ARL6IP4: variants seen among roughly 807,000 people sequenced by gnomAD.
The protein encoded by ARL6IP4 is ARF like GTPase 6 interacting protein 4, also known as ADP-ribosylation factor-like protein 6-interacting protein 4.
Under a neutral mutation model 28.1 loss-of-function variants are expected in ARL6IP4, and 24 were observed. The observed-to-expected ratio is 0.86, with a 90% CI of 0.62 to 1.20. The LOEUF (loss-of-function observed/expected upper bound fraction) is 1.20. Among genes scored for constraint, ARL6IP4 ranks in the 50% most tolerant of loss-of-function variants. The pLI, the probability that ARL6IP4 is intolerant of heterozygous loss-of-function variation, is 0.00. For synonymous variants in ARL6IP4, 162 were observed against 122.3 expected, an observed-to-expected ratio of 1.32 and a Z score of -2.14; for missense variants, 343 against 302.4, an observed-to-expected ratio of 1.13 and a Z score of -1.00.
intron 1 of ARL6IP4, 88 bp from the exon 2 acceptor site, chr12:122,981,041 A>C (rs1020253773): frequency 3.1e-5 from 44 of 1,436,554 alleles, no homozygotes; most frequent in Non-Finnish European, 3.9e-5. Flanking sequence ...GGGCGTCGCC[A>C]GGCCCCGGCC....
intron 4 of ARL6IP4, 37 bp from the exon 5 acceptor site, chr12:122,982,432 C>A (rs749864885): frequency 6.4e-7 from 1 of 1,571,596 alleles, no homozygotes; most frequent in Non-Finnish European, 8.7e-7. Context: ...AGGGGACCTG[C>A]CTATTCCTTG....
In ARL6IP4 at chr12:122,980,693, G is replaced by A. The variant is rs1474665703; in HGVS notation, c.-64G>A. Reference sequence around the variant, plus strand: ...CCCGGCCGGAAGCCTCCTCGCCGCCGCTTCCTCTCGAGAAGGCGCGGGGCG... The same window carrying A: ...CCCGGCCGGAAGCCTCCTCGCCGCCACTTCCTCTCGAGAAGGCGCGGGGCG... On this transcript the variant is annotated 5_prime_UTR_variant, in exon 1 of 6. Transcript: ENST00000315580. 22 of 1,337,964 alleles carry A rather than the reference G, an allele frequency of 1.6e-5. No individual in the cohort carries two copies. Among genetic ancestry groups the A allele is most frequent in the Non-Finnish European group, 2.1e-5 (22 of 1,049,622 alleles). 82.9% of individuals were successfully genotyped at this position (1,337,964 alleles called of 1,614,324 possible). A position where few individuals can be genotyped will look rare whatever the true frequency, so the allele number is the denominator to read the frequency against.
chr12:122,980,624 C>T, upstream of ARL6IP4: 2 of 1,410,280 alleles, frequency 1.4e-6, no homozygotes, highest in Non-Finnish European at 9.2e-7. Context: ...GAACGAAAGG[C>T]AGCGGCGCCG....
At position 122,982,629 on chromosome 12, in the gene ARL6IP4, C is replaced by T. The variant is rs368158124; in HGVS notation, c.667C>T (p.Arg223Ter). 14 of 1,614,092 alleles carry T rather than the reference C, an allele frequency of 8.7e-6. No homozygotes were observed. Among genetic ancestry groups the T allele is most frequent in the South Asian group, 3.3e-5 (3 of 91,084 alleles). ...GTGCTTTCTTCCCCAGCAAGCCACC[C>T]GAGGGGACTGCCTGGCCTTCCAGAT... Reference protein sequence around the residue: ...RHREINKQATRGDCLAFQMRA... With the variant: ...RHREINKQAT Residue 223 changes from arginine to a stop codon, truncating the protein, a stop_gained, in exon 6 of 6, where the codon CGA (arginine) becomes TGA (stop). Transcript: ENST00000315580. LOFTEE classifies it high-confidence loss of function.
At position 122,981,144 on chromosome 12, in the gene ARL6IP4, C is replaced by T; in HGVS notation, c.5C>T (p.Ala2Val). The change falls in exon 2 of 6, where the codon GCT (alanine) becomes GTT (valine). Residue 2 changes from alanine to valine, a missense_variant. Physicochemically the swap from Ala to Val is moderately conservative, Grantham distance 64. Coordinates refer to ENST00000315580, the MANE Select transcript of ARL6IP4 (RefSeq NM_018694.4). M[A>V]HVGSRKRSRS... ...TCGTCGCCAGCCCGCGGCGCCATGG[C>T]TCACGTCGGCTCCCGCAAGCGCTCG... is the stretch of plus-strand genomic sequence containing the variant. 6.5e-7 allele frequency: 1 copy of T among 1,548,920 alleles called. No individual in the cohort carries two copies. Among genetic ancestry groups the T allele is most frequent in the East Asian group, 2.5e-5 (1 of 40,772 alleles).
rs781046086 is a variant in ARL6IP4 at position 122,982,639 on chromosome 12, G to A, written c.677G>A (p.Cys226Tyr). The A allele has an allele frequency of 6.2e-7, 1 of 1,614,080 alleles. No individual in the cohort carries two copies. Among genetic ancestry groups the A allele is most frequent in the Non-Finnish European group, 8.5e-7 (1 of 1,180,028 alleles). ...CCCCAGCAAGCCACCCGAGGGGACT[G>A]CCTGGCCTTCCAGATGCGAGCTGGG... Reference protein sequence around the residue: ...EINKQATRGDCLAFQMRAGLL... With the variant: ...EINKQATRGDYLAFQMRAGLL... The change falls in exon 6 of 6, where the codon TGC (cysteine) becomes TAC (tyrosine). Residue 226 changes from cysteine to tyrosine, a missense_variant. Cys to Tyr is a radical substitution (Grantham distance 194). Coordinates refer to ENST00000315580, the MANE Select transcript of ARL6IP4 (RefSeq NM_018694.4).
intron 2 of ARL6IP4, 61 bp downstream of exon 2, chr12:122,981,360 C>T (rs972310197): frequency 4.2e-5 from 63 of 1,501,922 alleles, no homozygotes; most frequent in Non-Finnish European, 5.4e-5. Flanking sequence ...GTCGGGCGAG[C>T]AGTGGTCGGG....
In ARL6IP4 at chr12:122,982,715, G is replaced by T. The variant is rs747504563; in HGVS notation, c.*39G>T. The T allele has an allele frequency of 5.0e-6, 8 of 1,598,584 alleles. No individual in the cohort carries two copies. In the South Asian group the frequency reaches 5.5e-5, roughly 11 times the overall value. On this transcript the variant is annotated 3_prime_UTR_variant, in exon 6 of 6. Coordinates refer to ENST00000315580, the MANE Select transcript of ARL6IP4 (RefSeq NM_018694.4). ...CCAAGGCCTGTGGACGACGCTGGCG[G>T]CCCAGCCTGGGCAGGTTTCAGGGTG...
chr12:122,980,950 G>A, intron 1 of ARL6IP4, 179 bp from the exon 2 acceptor site: 1 of 1,387,584 alleles, frequency 7.2e-7, no homozygotes, highest in Non-Finnish European at 9.3e-7. Flanking sequence ...TGCGGGGACT[G>A]GAGTCGGCGG....
chr12:122,982,156 GGGCGGGGTTCCT>G, intron 4 of ARL6IP4, 82 bp downstream of exon 4: 1 of 1,509,996 alleles, frequency 6.6e-7, no homozygotes, highest in Admixed American at 1.7e-5. Context: ...GAGTGGGGCC[GGGCGGGGTTCCT>G]GGTGCCTGAA....
At chr12:122,982,285 C>T (rs2037716628) in intron 4 of ARL6IP4, 184 bp from the exon 5 acceptor site, 4 of 812,350 alleles carry the variant, frequency 4.9e-6, no homozygotes, top group Non-Finnish European at 7.9e-6. Flanking sequence ...CGGGCTGAGG[C>T]TGGCAAGGCA....
Position 122,981,622 on chromosome 12 carries a change from G to A in ARL6IP4, c.212G>A (p.Arg71Lys). 1 of 1,562,620 alleles carries A rather than the reference G, an allele frequency of 6.4e-7. No homozygotes were observed. ...TERSKQKARR[R>K]TRSSSSSSSS... is the part of the protein sequence containing the mutation. Reference sequence around the variant, plus strand: ...AGAAGCAAGCAGAAGGCCCGGAGGAGAACAAGATCCAGCTCCTCCTCCTCT... The same window carrying A: ...AGAAGCAAGCAGAAGGCCCGGAGGAAAACAAGATCCAGCTCCTCCTCCTCT... The change falls in exon 3 of 6, where the codon AGA becomes AAA. Residue 71 changes from arginine to lysine, a missense_variant. Coordinates refer to ENST00000315580, the MANE Select transcript of ARL6IP4 (RefSeq NM_018694.4).
In ARL6IP4 at chr12:122,981,456, C is replaced by T; in HGVS notation, c.161-115C>T. On this transcript the variant is annotated intron_variant, in intron 2 of 5. Coordinates refer to ENST00000315580, the MANE Select transcript of ARL6IP4 (RefSeq NM_018694.4). ...GCCAGGAAGGGGCTCCTCTGGGAAG[C>T]TCCATCTCTGTTCTGGAAAGCCCCT... 2.9e-6 allele frequency: 4 copies of T among 1,386,740 alleles called. No homozygotes were observed. In the South Asian group the frequency reaches 6.0e-5, roughly 21 times the overall value. 85.9% of individuals were successfully genotyped at this position (1,386,740 alleles called of 1,614,324 possible).
intron 4 of ARL6IP4, 72 bp from the exon 5 acceptor site, chr12:122,982,397 C>T (rs1169241099): frequency 3.5e-6 from 5 of 1,441,846 alleles, no homozygotes; most frequent in Non-Finnish European, 4.8e-6. Context: ...CTGCCGGCTG[C>T]TTGTGGTTCT....
chr12:122,980,420 C>T (rs571246576), upstream of ARL6IP4: 5 of 1,364,530 alleles, frequency 3.7e-6, no homozygotes, highest in South Asian at 6.0e-5. Flanking sequence ...GGGAGGAGGG[C>T]GGCGCGCGCG....
chr12:122,981,830 C>A lies in ARL6IP4; in HGVS notation c.420C>A (p.Pro140=). The change falls in exon 3 of 6, where the codon CCC becomes CCA. Residue 140 remains proline (P), a synonymous_variant. Transcript: ENST00000315580. ...EAQQVEALPG[P]SLDQWHRSAG... ...AGCAGGTGGAGGCTCTGCCGGGCCC[C>A]TCGCTGGACCAGTGGCACCGATCAG... The A allele has an allele frequency of 6.2e-7, 1 of 1,609,466 alleles. No homozygotes were observed. Among genetic ancestry groups the A allele is most frequent in the Non-Finnish European group, 8.5e-7 (1 of 1,177,852 alleles).
chr12:122,981,028 A>G, intron 1 of ARL6IP4, 101 bp from the exon 2 acceptor site: 1 of 1,426,872 alleles, frequency 7.0e-7, no homozygotes. Flanking sequence ...GGTGACGGGT[A>G]CTGGGCGTCG....
rs186833977 is a variant in ARL6IP4 at position 122,981,758 on chromosome 12, G to C, written c.348G>C (p.Lys116Asn). 3.2e-6 allele frequency: 5 copies of C among 1,561,390 alleles called. No homozygotes were observed. In the African/African-American group the frequency reaches 4.1e-5, roughly 13 times the overall value. Residue 116 changes from lysine to asparagine, a missense_variant, in exon 3 of 6, where the codon AAG (lysine) becomes AAC (asparagine). By Grantham distance (94) the Lys-to-Asn change is moderately conservative. Coordinates refer to ENST00000315580, the MANE Select transcript of ARL6IP4 (RefSeq NM_018694.4). ...AGGACAAGAGGAGGAAGAAGAAGAA[G>C]AAGAGGAAGAAGCTGAAGAAGAAGG... ...KYKDKRRKKK[K>N]KRKKLKKKGK...
intron 2 of ARL6IP4, 55 bp from the exon 3 acceptor site, chr12:122,981,516 G>A (rs12303816): frequency 8.2e-6 from 12 of 1,466,656 alleles, no homozygotes; most frequent in African/African-American, 2.8e-5. Flanking sequence ...GTCTGTGCCT[G>A]CCCCAGGCCA....
Sources: gnomAD v4.1 joint callset for allele counts on GRCh38, gnomAD v4.1.1 for gene constraint, MANE v1.5 for transcripts, NCBI Gene and HGNC (gene_info 2026-07-23, HGNC 2026-07-21) for gene names.